Variants in MYCT1 observed in about 807,000 individuals in gnomAD.
The protein encoded by MYCT1 is MYC target 1, also known as myc target protein 1.
In MYCT1, 12 loss-of-function variants were observed where a neutral mutation model predicts 15.0. That is an observed-to-expected ratio of 0.80 (90% CI 0.51 to 1.29). The LOEUF is 1.29. Among genes scored for constraint, MYCT1 ranks in the 50% most tolerant of loss-of-function variants. The pLI is 0.00. For missense variants in MYCT1, 287 were observed against 279.1 expected (o/e 1.03, Z -0.20); for synonymous variants, 104 against 102.7 (o/e 1.01, Z -0.07).
downstream of MYCT1, among the ~76,000 whole-genome samples, chr6:152,727,882 GGCCGGGTGTGGTGGCTCAC>G (rs1219694718): frequency 6.6e-6 from 1 of 152,156 alleles, no homozygotes; most frequent in Non-Finnish European, 1.5e-5. Context: ...TCAGGCTTCA[GGCCGGGTGTGGTGGCTCAC>G]GCCTGTAATC....
At position 152,721,817 on chromosome 6, in the gene MYCT1, T is replaced by C; in HGVS notation, c.272T>C (p.Ile91Thr). 2 of 1,614,098 alleles carry C rather than the reference T, an allele frequency of 1.2e-6. No individual in the cohort carries two copies. Among genetic ancestry groups the C allele is most frequent in the Non-Finnish European group, 1.7e-6 (2 of 1,180,006 alleles). The change falls in exon 2 of 2, where the codon ATT (isoleucine) becomes ACT (threonine). Residue 91 changes from isoleucine (I) to threonine (T), a missense_variant. Ile to Thr is a moderately conservative substitution (Grantham distance 89). Transcript: ENST00000367245. Reference protein sequence around the residue: ...VLGGFIWAVFICLSRRRRASA... With the variant: ...VLGGFIWAVFTCLSRRRRASA... ...GGAGGATTTATTTGGGCTGTGTTCA[T>C]TTGTCTGTCTCGAAGAAGAAGAGCC...
the MYCT1 span, among the ~76,000 whole-genome samples, chr6:152,742,212 A>G: frequency 6.6e-6 from 1 of 152,172 alleles, no homozygotes. Flanking sequence ...CAAGGGCCCA[A>G]AATCACAGCA....
chr6:152,699,166 C>A (rs2099720917), intron 1 of MYCT1, among the ~76,000 whole-genome samples: 1 of 152,134 alleles, frequency 6.6e-6, no homozygotes, highest in Non-Finnish European at 1.5e-5. Flanking sequence ...TAGTGGCCGA[C>A]TTTTCCCAGC....
chr6:152,703,938 GTTTTT>G (rs1247026001), intron 1 of MYCT1, among the ~76,000 whole-genome samples: 1 of 141,968 alleles, frequency 7.0e-6, no homozygotes, highest in Non-Finnish European at 1.5e-5. Flanking sequence ...TATTTTCCCT[GTTTTT>G]TATTTTATTT....
the MYCT1 span, among the ~76,000 whole-genome samples, chr6:152,738,732 A>T: frequency 6.6e-6 from 1 of 152,130 alleles, no homozygotes; most frequent in Non-Finnish European, 1.5e-5. Context: ...ACCCAAATGG[A>T]TTAGCACATT....
intron 1 of MYCT1, among the ~76,000 whole-genome samples, chr6:152,705,401 G>A (rs543234328): frequency 6.6e-6 from 1 of 152,216 alleles, no homozygotes; most frequent in Admixed American, 6.5e-5. Context: ...TATGGCTTTT[G>A]CACCATCGTA....
At chr6:152,706,935 T>C (rs909005472) in intron 1 of MYCT1, among the ~76,000 whole-genome samples, 1 of 152,014 alleles carries the variant, frequency 6.6e-6, no homozygotes, top group Non-Finnish European at 1.5e-5. Context: ...AGGTGGATTA[T>C]GTATTTTGGC....
intron 1 of MYCT1, among the ~76,000 whole-genome samples, chr6:152,708,417 T>C (rs573202830): frequency 2.6e-5 from 4 of 152,144 alleles, no homozygotes; most frequent in South Asian, 4.1e-4. Flanking sequence ...CATTGGTGTG[T>C]GCCTGTAGTC....
At chr6:152,731,434 A>G in the MYCT1 span, among the ~76,000 whole-genome samples, 2 of 151,996 alleles carry the variant, frequency 1.3e-5, no homozygotes, top group Non-Finnish European at 2.9e-5. Flanking sequence ...GGTTTGTTAC[A>G]TATGTATACA....
chr6:152,731,991 A>G, the MYCT1 span, among the ~76,000 whole-genome samples: 4 of 152,284 alleles, frequency 2.6e-5, no homozygotes, highest in Admixed American at 2.0e-4. Context: ...AACAAACTAC[A>G]GAGTGAAGGA....
At position 152,722,031 on chromosome 6, in the gene MYCT1, C is replaced by T; in HGVS notation, c.486C>T (p.Phe162=). ...QANSFPRKSS[F]RASTFHPFLQ... ...ATTCCTTTCCAAGAAAATCAAGTTTCAGAGCTTCTACTTTCCATCCCTTTC... is the reference window on the plus strand; with the variant it reads ...ATTCCTTTCCAAGAAAATCAAGTTTTAGAGCTTCTACTTTCCATCCCTTTC... Residue 162 remains phenylalanine (F), a synonymous_variant, in exon 2 of 2, where the codon TTC becomes TTT. Coordinates refer to ENST00000367245, the MANE Select transcript of MYCT1 (RefSeq NM_025107.3). The T allele has an allele frequency of 6.2e-7, 1 of 1,614,182 alleles. No homozygotes were observed. Among genetic ancestry groups the T allele is most frequent in the Non-Finnish European group, 8.5e-7 (1 of 1,180,036 alleles).
At chr6:152,705,239 T>C (rs2099722058) in intron 1 of MYCT1, among the ~76,000 whole-genome samples, 2 of 152,192 alleles carry the variant, frequency 1.3e-5, no homozygotes, top group African/African-American at 2.4e-5. Flanking sequence ...TCAGAACACT[T>C]ACATTAGCCT....
chr6:152,729,316 G>T (rs943381816), downstream of MYCT1, among the ~76,000 whole-genome samples: 1 of 146,402 alleles, frequency 6.8e-6, no homozygotes, highest in Non-Finnish European at 1.5e-5. Context: ...ATTTCCACAG[G>T]TTTTTTTTTT....
the MYCT1 span, among the ~76,000 whole-genome samples, chr6:152,738,047 T>C: frequency 6.6e-6 from 1 of 152,066 alleles, no homozygotes; most frequent in Non-Finnish European, 1.5e-5. Context: ...ATATCTTTAT[T>C]TGTAACAGAA....
At chr6:152,744,965 G>T in the MYCT1 span, among the ~76,000 whole-genome samples, 2 of 152,124 alleles carry the variant, frequency 1.3e-5, no homozygotes, top group African/African-American at 2.4e-5. Context: ...CCAAGGAATG[G>T]GTTGAAGAAG....
intron 1 of MYCT1, among the ~76,000 whole-genome samples, chr6:152,719,204 G>A (rs2099724262): frequency 6.6e-6 from 1 of 152,104 alleles, no homozygotes; most frequent in African/African-American, 2.4e-5. Context: ...TTGATTCATG[G>A]AAATATATCT....
At chr6:152,719,958 C>T (rs2129070468) in intron 1 of MYCT1, among the ~76,000 whole-genome samples, 1 of 152,224 alleles carries the variant, frequency 6.6e-6, no homozygotes, top group Admixed American at 6.5e-5. Flanking sequence ...TGCCATGTAA[C>T]AATCCACCCC....
In MYCT1 at chr6:152,723,760, C is replaced by T. The variant is rs368312510; in HGVS notation, c.*1507C>T. 1 of 152,172 alleles carries T rather than the reference C, an allele frequency of 6.6e-6. No homozygotes were observed. Among genetic ancestry groups the T allele is most frequent in the Admixed American group, 6.5e-5 (1 of 15,276 alleles). 9.4% of individuals were successfully genotyped at this position (152,172 alleles called of 1,614,324 possible). On this transcript the variant is annotated 3_prime_UTR_variant, in exon 2 of 2. Transcript: ENST00000367245. The stretch of plus-strand genomic sequence containing the variant: ...CCAGTGGGCAGATGTCTGTGGCTGC[C>T]CTTCTCATTTAAGGACATGAGTTCA...
chr6:152,730,781 C>G, the MYCT1 span, among the ~76,000 whole-genome samples: 3 of 151,924 alleles, frequency 2.0e-5, no homozygotes, highest in Non-Finnish European at 4.4e-5. Flanking sequence ...TAGATTAGGT[C>G]ACAATAACTT....
Sources: allele counts gnomAD v4.1 joint callset (sites outside exome capture counted in the v4.1 genomes callset), GRCh38; gene constraint gnomAD v4.1.1; transcripts MANE v1.5; gene names NCBI Gene and HGNC (gene_info 2026-07-23, HGNC 2026-07-21).